Variants in EPB41L4B observed in about 807,000 individuals in gnomAD.
EPB41L4B encodes the protein erythrocyte membrane protein band 4.1 like 4B.
A neutral mutation model predicts 112.5 loss-of-function variants in EPB41L4B; 30 were observed. The observed-to-expected ratio is 0.27, with a 90% confidence interval of 0.20 to 0.36. The LOEUF (loss-of-function observed/expected upper bound fraction) is 0.36. EPB41L4B is among the 10% of genes least tolerant of loss of function. EPB41L4B has a pLI of 1.00. For missense variants in EPB41L4B, 1,024 were observed against 1,133.3 expected, an observed-to-expected ratio of 0.90 and a Z score of 1.38; for synonymous variants, 408 against 439.7, an observed-to-expected ratio of 0.93 and a Z score of 0.90.
At position 109,174,609 on chromosome 9, in the gene EPB41L4B, C is replaced by A; in HGVS notation, c.2648G>T (p.Arg883Leu). 1 of 1,613,980 alleles carries A rather than the reference C, an allele frequency of 6.2e-7. No individual in the cohort carries two copies. Among genetic ancestry groups the A allele is most frequent in the South Asian group, 1.1e-5 (1 of 91,064 alleles). ...CATCTTCTCTCTCTCCAGTTCCTGC[C>A]GGAGTGTCTCTGCACTAAAAAAAAG... ...VSLAASAETL[R>L]QELEREKMMK... The change falls in exon 26 of 26, where the codon CGG becomes CTG. Residue 883 changes from arginine (R) to leucine (L), a missense_variant. Physicochemically the swap from Arg to Leu is moderately radical, Grantham distance 102. Transcript: ENST00000374566.
intron 22 of EPB41L4B, among the ~76,000 whole-genome samples, chr9:109,191,235 G>C (rs10512227): frequency 0.14 from 21,768 of 152,144 alleles, 3,192 homozygotes; most frequent in African/African-American, 0.37. Context: ...TTGCCAAAAA[G>C]CTAGATGCCC....
chr9:109,245,237 G>T (rs751261731), intron 14 of EPB41L4B, among the ~76,000 whole-genome samples: 1 of 152,190 alleles, frequency 6.6e-6, no homozygotes. Context: ...CCCAGAATGA[G>T]GTTCCATTCA....
chr9:109,295,141 C>A (rs373973092), intron 1 of EPB41L4B, among the ~76,000 whole-genome samples: 3 of 152,280 alleles, frequency 2.0e-5, no homozygotes, highest in African/African-American at 7.2e-5. Flanking sequence ...ACATTTTGTC[C>A]CCATGCCCCA....
chr9:109,205,533 T>G (rs1345504080), intron 18 of EPB41L4B, among the ~76,000 whole-genome samples: 1 of 152,216 alleles, frequency 6.6e-6, no homozygotes, highest in Non-Finnish European at 1.5e-5. Context: ...AAAAATGGCA[T>G]ACCTGAAATC....
chr9:109,282,468 A>T (rs775276126), intron 1 of EPB41L4B, among the ~76,000 whole-genome samples: 1 of 152,208 alleles, frequency 6.6e-6, no homozygotes, highest in Non-Finnish European at 1.5e-5. Flanking sequence ...TATTTCAACA[A>T]ATAAATGAAG....
chr9:109,236,836 C>T (rs1006453166), intron 15 of EPB41L4B, among the ~76,000 whole-genome samples: 1 of 152,162 alleles, frequency 6.6e-6, no homozygotes, highest in African/African-American at 2.4e-5. Flanking sequence ...CCTTATGCTT[C>T]GCCTCTGCAT....
rs781305284 is a variant in EPB41L4B at position 109,251,468 on chromosome 9, C to T, written c.1310+13G>A. On this transcript the variant is annotated intron_variant, in intron 13 of 25. Coordinates refer to ENST00000374566, the MANE Select transcript of EPB41L4B (RefSeq NM_019114.5). ...GAGAGGAGAGCTGTGCTCTAGAGCT[C>T]AAGGACACTCACCAGAGCTGGGCTG... 3.7e-6 allele frequency: 6 copies of T among 1,612,876 alleles called. No homozygotes were observed. Among genetic ancestry groups the T allele is most frequent in the African/African-American group, 2.7e-5 (2 of 75,040 alleles).
At chr9:109,263,884 A>G (rs911962967) in intron 5 of EPB41L4B, among the ~76,000 whole-genome samples, 2 of 152,206 alleles carry the variant, frequency 1.3e-5, no homozygotes, top group African/African-American at 2.4e-5. Context: ...CTTGAACACC[A>G]TTCTGCTTTT....
intron 20 of EPB41L4B, among the ~76,000 whole-genome samples, chr9:109,196,631 T>C (rs1832650128): frequency 1.4e-5 from 2 of 147,022 alleles, no homozygotes; most frequent in African/African-American, 5.1e-5. Flanking sequence ...GGTGGGAGGA[T>C]CACCTGAGCT....
intron 1 of EPB41L4B, among the ~76,000 whole-genome samples, chr9:109,287,884 G>A (rs1160016978): frequency 6.6e-6 from 1 of 152,174 alleles, no homozygotes; most frequent in Admixed American, 6.5e-5. Flanking sequence ...TTACAGGTGT[G>A]AGCCACCAAT....
At chr9:109,174,654 A>G in intron 25 of EPB41L4B, 31 bp from the exon 26 acceptor site, 1 of 1,597,358 alleles carries the variant, frequency 6.3e-7, no homozygotes. Context: ...AAATAGTGAG[A>G]CAATCCCTCA....
At chr9:109,311,065 G>T (rs1438508327) in intron 1 of EPB41L4B, among the ~76,000 whole-genome samples, 1 of 152,182 alleles carries the variant, frequency 6.6e-6, no homozygotes, top group African/African-American at 2.4e-5. Context: ...AATGTTTAAT[G>T]GGGACTGAGT....
At position 109,181,124 on chromosome 9, in the gene EPB41L4B, G is replaced by A. The variant is rs577522279; in HGVS notation, c.2487+1605C>T. 2.6e-5 allele frequency among the ~76,000 whole-genome samples: 4 copies of A among 152,118 alleles called. No homozygotes were observed. In the South Asian group the frequency reaches 6.2e-4, roughly 24 times the overall value. ...CCTCCTGGGCTCCAGAGATCCTCCC[G>A]CCTCAGCCTCCTGGGTAACTGGGAC... On this transcript the variant is annotated intron_variant, in intron 24 of 25. Transcript: ENST00000374566.
rs1159262818 is a variant in EPB41L4B, at chr9:109,320,472, C to A, written c.-26G>T. Reference sequence around the variant, plus strand: ...CCTGGCTGGGGGCGCCCCCTGCCTCCGCCCCCTGCGCTGCCGCTGCCGCTG... The same window carrying A: ...CCTGGCTGGGGGCGCCCCCTGCCTCAGCCCCCTGCGCTGCCGCTGCCGCTG... On this transcript the variant is annotated 5_prime_UTR_variant, in exon 1 of 26. Transcript: ENST00000374566. 2.0e-6 allele frequency: 2 copies of A among 975,742 alleles called. No homozygotes were observed. Among genetic ancestry groups the A allele is most frequent in the East Asian group, 1.1e-4 (1 of 8,784 alleles). The allele number at this position is 975,742 out of a possible 1,614,324, so 60.4% of individuals were successfully genotyped here. A position where few individuals can be genotyped will look rare whatever the true frequency, so the allele number is the denominator to read the frequency against.
At chr9:109,282,962 G>A (rs1304875115) in intron 1 of EPB41L4B, among the ~76,000 whole-genome samples, 5 of 152,068 alleles carry the variant, frequency 3.3e-5, no homozygotes, top group African/African-American at 7.2e-5. Context: ...GATTACAGGC[G>A]TGAGCCACCG....
At chr9:109,273,499 GGCCTCCCAAA>G (rs1367691183) in intron 2 of EPB41L4B, among the ~76,000 whole-genome samples, 5 of 152,092 alleles carry the variant, frequency 3.3e-5, no homozygotes, top group African/African-American at 1.2e-4. Flanking sequence ...CACCTGCCTT[GGCCTCCCAAA>G]GTGCTGGGAT....
rs1386948049 is a variant in EPB41L4B at position 109,320,858 on chromosome 9, C to T, written c.-412G>A. On this transcript the variant is annotated 5_prime_UTR_variant, in exon 1 of 26. Transcript: ENST00000374566. The stretch of plus-strand genomic sequence containing the variant: ...CGCCGCGCGCCGGCCGAGGGCCAGC[C>T]GGAGCAGGGCGCCTGCGTGGTCCTG... 6.8e-6 allele frequency: 1 copy of T among 147,002 alleles called. No individual in the cohort carries two copies. Among genetic ancestry groups the T allele is most frequent in the Non-Finnish European group, 1.5e-5 (1 of 65,920 alleles). The allele number at this position is 147,002 out of a possible 1,614,324, so 9.1% of individuals were successfully genotyped here.
intron 24 of EPB41L4B, among the ~76,000 whole-genome samples, chr9:109,182,249 T>C (rs1564248266): frequency 6.6e-6 from 1 of 152,158 alleles, no homozygotes; most frequent in Non-Finnish European, 1.5e-5. Context: ...AAATGAAGTA[T>C]TGATACATGC....
chr9:109,200,473 C>A, intron 19 of EPB41L4B, 139 bp from the exon 20 acceptor site: 1 of 550,618 alleles, frequency 1.8e-6, no homozygotes, highest in Non-Finnish European at 3.2e-6. Flanking sequence ...TGCCTTTCTA[C>A]CGTACTTAGT....
Sources: allele counts gnomAD v4.1 joint callset (sites outside exome capture counted in the v4.1 genomes callset), GRCh38; gene constraint gnomAD v4.1.1; transcripts MANE v1.5; gene names NCBI Gene and HGNC (gene_info 2026-07-23, HGNC 2026-07-21).